The following PCCA variants were observed in gnomAD, a reference collection of about 807,000 sequenced individuals.
PCCA encodes propionyl-CoA carboxylase subunit alpha, also known as propionyl-CoA carboxylase alpha chain, mitochondrial.
In PCCA, 74 loss-of-function variants were observed where a neutral mutation model predicts 101.3. That is an observed-to-expected ratio of 0.73 (90% CI 0.61 to 0.89). PCCA has a LOEUF of 0.89. Ranked by LOEUF, PCCA falls within the 40% of genes least tolerant of loss-of-function variation. The probability of loss-of-function intolerance (pLI) is 0.00; values close to 1 mark genes in which losing one functional copy is unlikely to be tolerated. For missense variants in PCCA, 891 were observed against 907.0 expected (o/e 0.98, Z 0.23); for synonymous variants, 294 against 313.6 (o/e 0.94, Z 0.66).
At chr13:100,330,916 T>C (rs2069459121) in intron 17 of PCCA, among the ~76,000 whole-genome samples, 1 of 152,148 alleles carries the variant, frequency 6.6e-6, no homozygotes, top group Non-Finnish European at 1.5e-5. Context: ...GTCCAGTGTT[T>C]TGGAGCAAAA....
intron 19 of PCCA, among the ~76,000 whole-genome samples, chr13:100,409,542 G>A (rs1252876063): frequency 6.6e-6 from 1 of 152,072 alleles, no homozygotes; most frequent in Non-Finnish European, 1.5e-5. Flanking sequence ...GGGGCCAAAC[G>A]GTGCAGATGG....
chr13:100,181,770 C>CT (rs11329867), intron 6 of PCCA, among the ~76,000 whole-genome samples: 50 of 130,482 alleles, frequency 3.8e-4, no homozygotes, highest in South Asian at 5.1e-4. Context: ...TTCTTTTTTT[C>CT]TTTTTTTTTT....
chr13:100,320,554 A>G (rs1227950459), intron 16 of PCCA, among the ~76,000 whole-genome samples: 2 of 152,202 alleles, frequency 1.3e-5, no homozygotes, highest in Admixed American at 6.5e-5. Flanking sequence ...AATTTTGTCA[A>G]AGGCCTTTTC....
At chr13:100,142,118 T>A (rs7995595) in intron 4 of PCCA, among the ~76,000 whole-genome samples, 121,519 of 151,782 alleles carry the variant, frequency 0.8, 48,830 homozygotes, top group East Asian at 0.99. Flanking sequence ...TTTTCTCTTC[T>A]GAGGGCCAGC....
chr13:100,107,426 C>T (rs1415086292), intron 2 of PCCA, among the ~76,000 whole-genome samples: 1 of 152,044 alleles, frequency 6.6e-6, no homozygotes, highest in East Asian at 1.9e-4. Flanking sequence ...CAGTGGCTTA[C>T]GCCTACAGTC....
At chr13:100,095,836 G>A (rs556929483) in intron 1 of PCCA, among the ~76,000 whole-genome samples, 26 of 152,270 alleles carry the variant, frequency 1.7e-4, no homozygotes, top group African/African-American at 4.3e-4. Context: ...CCAGTTGGAG[G>A]CATTTAAGCA....
intron 21 of PCCA, among the ~76,000 whole-genome samples, chr13:100,461,294 G>A (rs2082146960): frequency 6.6e-6 from 1 of 152,122 alleles, no homozygotes; most frequent in African/African-American, 2.4e-5. Context: ...CATAGGACTC[G>A]AAATTTGCAT....
intron 20 of PCCA, among the ~76,000 whole-genome samples, chr13:100,431,851 G>C (rs915165766): frequency 1.3e-5 from 2 of 151,474 alleles, no homozygotes; most frequent in Non-Finnish European, 2.9e-5. Context: ...GGGTGACAGA[G>C]TGAGACTCCA....
chr13:100,347,547 A>G (rs1444529038), intron 18 of PCCA, among the ~76,000 whole-genome samples: 2 of 152,252 alleles, frequency 1.3e-5, no homozygotes. Flanking sequence ...AGATAGTTTA[A>G]ACACAACATT....
intron 19 of PCCA, among the ~76,000 whole-genome samples, chr13:100,409,164 G>C (rs1023309580): frequency 6.6e-6 from 1 of 152,106 alleles, no homozygotes; most frequent in Admixed American, 6.5e-5. Flanking sequence ...TGGAAAGGTC[G>C]GGTTGGTTCT....
chr13:100,237,458 A>G (rs2060870159), intron 8 of PCCA: 1 of 152,158 alleles, frequency 6.6e-6, no homozygotes, highest in African/African-American at 2.4e-5. Context: ...ACTTCATAGG[A>G]ACATTTGCTC....
chr13:100,118,984 A>G (rs1430671796), intron 4 of PCCA, among the ~76,000 whole-genome samples: 1 of 150,764 alleles, frequency 6.6e-6, no homozygotes, highest in Non-Finnish European at 1.5e-5. Flanking sequence ...CTTTTTTTTT[A>G]TTAAATAATT....
chr13:100,375,129 G>A (rs2075821438), intron 19 of PCCA, among the ~76,000 whole-genome samples: 1 of 152,178 alleles, frequency 6.6e-6, no homozygotes, highest in Non-Finnish European at 1.5e-5. Context: ...TATTTACCCA[G>A]TAGTCATTCA....
intron 4 of PCCA, among the ~76,000 whole-genome samples, chr13:100,115,227 T>C (rs553069662): frequency 2.6e-4 from 39 of 152,160 alleles, no homozygotes; most frequent in Non-Finnish European, 3.2e-4. Context: ...ATGAAAACAA[T>C]TGGACTCATA....
At chr13:100,119,064 T>C (rs1271053131) in intron 4 of PCCA, among the ~76,000 whole-genome samples, 1 of 152,180 alleles carries the variant, frequency 6.6e-6, no homozygotes, top group Non-Finnish European at 1.5e-5. Flanking sequence ...TGTTTTTGCA[T>C]CGATAATGAA....
At chr13:100,426,771 C>A (rs2079171950) in intron 20 of PCCA, among the ~76,000 whole-genome samples, 3 of 151,916 alleles carry the variant, frequency 2.0e-5, no homozygotes, top group Non-Finnish European at 4.4e-5. Flanking sequence ...TAACTCCTGT[C>A]TTTTCTCATA....
intron 4 of PCCA, among the ~76,000 whole-genome samples, chr13:100,137,080 T>G (rs2051274270): frequency 6.6e-6 from 1 of 152,082 alleles, no homozygotes; most frequent in Non-Finnish European, 1.5e-5. Context: ...TTTTCATTTT[T>G]GTTAAGAATG....
intron 8 of PCCA, among the ~76,000 whole-genome samples, chr13:100,244,535 C>A (rs977889461): frequency 1.3e-5 from 2 of 151,246 alleles, no homozygotes; most frequent in Non-Finnish European, 3.0e-5. Context: ...TTTCCTTTTT[C>A]TATTACTCTG....
chr13:100,484,196 C>T (rs750166817), intron 21 of PCCA, among the ~76,000 whole-genome samples: 4 of 152,002 alleles, frequency 2.6e-5, no homozygotes, highest in Admixed American at 6.6e-5. Context: ...AGCTCATATC[C>T]GGTCCTCTGT....
Sources: allele counts gnomAD v4.1 joint callset (sites outside exome capture counted in the v4.1 genomes callset), GRCh38; gene constraint gnomAD v4.1.1; transcripts MANE v1.5; gene names NCBI Gene and HGNC (gene_info 2026-07-23, HGNC 2026-07-21).